BMP2: variants seen among roughly 807,000 people sequenced by gnomAD.
BMP2 encodes the protein bone morphogenetic protein 2A.
In BMP2, 2 loss-of-function variants were observed where a neutral mutation model predicts 28.8. The ratio of observed to expected loss-of-function variants is 0.07; its 90% CI spans 0.03 to 0.22. The LOEUF (loss-of-function observed/expected upper bound fraction) is 0.22, where lower values mean the gene tolerates loss of function less well. BMP2 is among the 10% of genes least tolerant of loss of function. BMP2 has a pLI of 1.00. For missense variants in BMP2, 437 were observed against 517.7 expected (o/e 0.84, Z 1.51); for synonymous variants, 218 against 204.3 (o/e 1.07, Z -0.57).
chr20:6,773,632 A>C (rs969854561), intron 2 of BMP2, among the ~76,000 whole-genome samples: 16 of 152,222 alleles, frequency 1.1e-4, no homozygotes, highest in African/African-American at 3.4e-4. Context: ...GCAGAGGCCA[A>C]ATCAGGGTTG....
intron 2 of BMP2, among the ~76,000 whole-genome samples, chr20:6,776,926 C>A (rs764702689): frequency 6.6e-6 from 1 of 152,132 alleles, no homozygotes; most frequent in Non-Finnish European, 1.5e-5. Flanking sequence ...AAAACATAGT[C>A]TCTTCTTATG....
rs979830940 is a variant in BMP2 at position 6,773,253 on chromosome 20, A to C, written c.346+2781A>C. Among the ~76,000 whole-genome samples the C allele has an allele frequency of 2.6e-5, 4 of 152,246 alleles. No homozygotes were observed. The South Asian group carries it at 8.3e-4, about 31-fold the overall frequency. Reference sequence around the variant, plus strand: ...GTTCAAGAAATAACTATTGCCCTGCATTAGAGACTTTGTGGCACAAATTCC... The same window carrying C: ...GTTCAAGAAATAACTATTGCCCTGCCTTAGAGACTTTGTGGCACAAATTCC... On this transcript the variant is annotated intron_variant, in intron 2 of 2. Transcript: ENST00000378827.
intron 1 of BMP2, among the ~76,000 whole-genome samples, chr20:6,769,174 T>A (rs561657894): frequency 9.1e-4 from 138 of 152,328 alleles, no homozygotes; most frequent in South Asian, 3.7e-3. Context: ...TTAATTTTTT[T>A]AAAAACTTTT....
In BMP2 at chr20:6,778,194, C is replaced by G. The variant is rs1309142501; in HGVS notation, c.347-51C>G. On this transcript the variant is annotated intron_variant, in intron 2 of 2. Transcript: ENST00000378827. This position sits in a 1 kb window ranked among gnomAD's most constrained non-coding sequence, Gnocchi z 5.0. ...TAATCAAACGTCATTACTTGGCTTA[C>G]TGAAATTCAGACTTTTCTTTTTTCT... 1 of 1,530,596 alleles carries G rather than the reference C, an allele frequency of 6.5e-7. No homozygotes were observed. The highest frequency in any genetic ancestry group is 2.3e-5 in the East Asian group (1 of 44,328). The allele number at this position is 1,530,596 out of a possible 1,614,324, so 94.8% of individuals were successfully genotyped here.
chr20:6,774,438 A>G (rs2122383726), intron 2 of BMP2, among the ~76,000 whole-genome samples: 1 of 152,270 alleles, frequency 6.6e-6, no homozygotes, highest in African/African-American at 2.4e-5. Flanking sequence ...AGATGGGAGG[A>G]CTGCTTGAAC....
At position 6,779,784 on chromosome 20, in the gene BMP2, C is replaced by A. The variant is rs170986; in HGVS notation, c.*695C>A. ...TTGCTGATCTATTATAGAAACTCTC[C>A]TCCTGCCCCTTAATTTACAGAAAGA... is the stretch of plus-strand genomic sequence containing the variant. On this transcript the variant is annotated 3_prime_UTR_variant, in exon 3 of 3. Transcript: ENST00000378827. 0.2 allele frequency: 30,568 copies of A among 152,412 alleles called. 3,621 individuals are homozygous for A. The highest frequency in any genetic ancestry group is 0.3 in the African/African-American group (12,597 of 41,470). 9.4% of individuals were successfully genotyped at this position (152,412 alleles called of 1,614,324 possible).
At chr20:6,772,215 A>C (rs1474629589) in intron 2 of BMP2, among the ~76,000 whole-genome samples, 1 of 152,216 alleles carries the variant, frequency 6.6e-6, no homozygotes, top group Non-Finnish European at 1.5e-5. Flanking sequence ...ACGTTATTCA[A>C]CTGTGTTATT....
intron 2 of BMP2, among the ~76,000 whole-genome samples, chr20:6,775,808 CGA>C (rs372370540): frequency 2.0e-5 from 3 of 151,882 alleles, no homozygotes; most frequent in African/African-American, 7.3e-5. Flanking sequence ...TACGTGTGTG[CGA>C]GAGAGAGAAT....
rs751692947 is a variant in BMP2 at position 6,770,324 on chromosome 20, A to G, written c.198A>G (p.Arg66=). The G allele has an allele frequency of 1.9e-6, 3 of 1,613,206 alleles. No homozygotes were observed. The Admixed American group carries it at 5.0e-5, about 27-fold the overall frequency. The part of the protein sequence containing the change: ...RLLSMFGLKQ[R]PTPSRDAVVP... ...TCAGCATGTTCGGCCTGAAACAGAG[A>G]CCCACCCCCAGCAGGGACGCCGTGG... The change falls in exon 2 of 3, where the codon AGA becomes AGG. Residue 66 remains arginine, a synonymous_variant. Transcript: ENST00000378827.
chr20:6,775,791 G>A (rs1323826861), intron 2 of BMP2, among the ~76,000 whole-genome samples: 1 of 152,152 alleles, frequency 6.6e-6, no homozygotes, highest in African/African-American at 2.4e-5. Context: ...CTGGCCATGT[G>A]GGTGTGTACG....
rs767193253 is a variant in BMP2, at chr20:6,778,702, C to T, written c.804C>T (p.Gly268=). The part of the protein sequence containing the change: ...SQIRPLLVTF[G]HDGKGHPLHK... ...TAAGGCCATTGCTAGTAACTTTTGG[C>T]CATGATGGAAAAGGGCATCCTCTCC... The change falls in exon 3 of 3, where the codon GGC becomes GGT. Residue 268 remains glycine, a synonymous_variant. Transcript: ENST00000378827. This position sits in a 1 kb window ranked among gnomAD's most constrained non-coding sequence, Gnocchi z 5.0. 6.8e-6 allele frequency: 11 copies of T among 1,613,970 alleles called. No homozygotes were observed. The highest frequency in any genetic ancestry group is 9.3e-6 in the Non-Finnish European group (11 of 1,180,008).
At position 6,775,368 on chromosome 20, in the gene BMP2, G is replaced by A. The variant is rs546156439; in HGVS notation, c.347-2877G>A. Among the ~76,000 whole-genome samples, 9 of 152,250 alleles carry A rather than the reference G, an allele frequency of 5.9e-5. No individual in the cohort carries two copies. The South Asian group carries it at 1.7e-3, about 28-fold the overall frequency. On this transcript the variant is annotated intron_variant, in intron 2 of 2. Coordinates refer to ENST00000378827, the MANE Select transcript of BMP2 (RefSeq NM_001200.4). The stretch of plus-strand genomic sequence containing the variant: ...CCTGGGTTTGAGGGTTTCTGTGAAC[G>A]TCTAACTTACCTCTGTGACCTGTTT...
rs375798188 is a variant in BMP2, at chr20:6,770,409, C to G, written c.283C>G (p.Pro95Ala). The change falls in exon 2 of 3, where the codon CCA (proline) becomes GCA (alanine). Residue 95 changes from proline (P) to alanine (A), a missense_variant. Physicochemically the swap from Pro to Ala is conservative, Grantham distance 27 (BLOSUM62 -1). Around this residue, in one of 2 missense-constraint regions of BMP2, gnomAD observed 363 missense variants for 392.8 expected, o/e 0.92. Transcript: ENST00000378827. ...CTCAGGTCAGCCGGGCTCACCCGCC[C>G]CAGACCACCGGTTGGAGAGGGCAGC... is the stretch of plus-strand genomic sequence containing the variant. Reference protein sequence around the residue: ...RHSGQPGSPAPDHRLERAASR... With the variant: ...RHSGQPGSPAADHRLERAASR... 6 of 1,611,642 alleles carry G rather than the reference C, an allele frequency of 3.7e-6. No homozygotes were observed. In the African/African-American group the frequency reaches 6.7e-5, roughly 18 times the overall value.
chr20:6,769,083 C>G (rs2122373309), intron 1 of BMP2, among the ~76,000 whole-genome samples: 1 of 152,372 alleles, frequency 6.6e-6, no homozygotes, highest in African/African-American at 2.4e-5. Flanking sequence ...TCTTCCACCC[C>G]TCTTTCTTCC....
intron 2 of BMP2, among the ~76,000 whole-genome samples, chr20:6,771,597 C>G (rs1986401833): frequency 6.6e-6 from 1 of 152,042 alleles, no homozygotes. Context: ...ATGTTTTCTC[C>G]CAGTGTGAAG....
Position 6,770,262 on chromosome 20 carries a change from T to A in BMP2, c.136T>A (p.Ser46Thr), listed in dbSNP as rs746277910. The part of the protein sequence containing the change: ...ASSGRPSSQP[S>T]DEVLSEFELR... ...GTCGGGCCGCCCCTCATCCCAGCCC[T>A]CTGACGAGGTCCTGAGCGAGTTCGA... is the stretch of plus-strand genomic sequence containing the variant. The change falls in exon 2 of 3, where the codon TCT (serine) becomes ACT (threonine). Residue 46 changes from serine (S) to threonine (T), a missense_variant. Physicochemically the swap from Ser to Thr is moderately conservative, Grantham distance 58 (BLOSUM62 1). Around this residue, in one of 2 missense-constraint regions of BMP2, gnomAD observed 363 missense variants for 392.8 expected, o/e 0.92. Transcript: ENST00000378827. 39 of 1,611,884 alleles carry A rather than the reference T, an allele frequency of 2.4e-5. No individual in the cohort carries two copies. In the African/African-American group the frequency reaches 4.5e-4, roughly 19 times the overall value.
rs1472949182 is a variant in BMP2 at position 6,770,175 on chromosome 20, C to T, written c.49C>T (p.Leu17Phe). Reference protein sequence around the residue: ...CLLALLLPQVLLGGAAGLVPE... With the variant: ...CLLALLLPQVFLGGAAGLVPE... ...TCTAGCGTTGCTGCTTCCCCAGGTC[C>T]TCCTGGGCGGCGCGGCTGGCCTCGT... Residue 17 changes from leucine (L) to phenylalanine (F), a missense_variant, in exon 2 of 3, where the codon CTC becomes TTC. Physicochemically the swap from Leu to Phe is conservative, Grantham distance 22. This residue lies in a region of BMP2 where 363 missense variants were observed against 392.8 expected (regional missense o/e 0.92). Coordinates refer to ENST00000378827, the MANE Select transcript of BMP2 (RefSeq NM_001200.4). 4.4e-6 allele frequency: 7 copies of T among 1,582,106 alleles called. No homozygotes were observed. The highest frequency in any genetic ancestry group is 6.0e-6 in the Non-Finnish European group (7 of 1,164,402).
chr20:6,772,154 A>G (rs554039335), intron 2 of BMP2, among the ~76,000 whole-genome samples: 1 of 152,352 alleles, frequency 6.6e-6, no homozygotes, highest in South Asian at 2.1e-4. Context: ...TGATGTCTGC[A>G]TATTCTCATC....
Position 6,779,021 on chromosome 20 carries a change from G to C in BMP2, c.1123G>C (p.Asp375His). The change falls in exon 3 of 3, where the codon GAC becomes CAC. Residue 375 changes from aspartate (D) to histidine (H), a missense_variant. Asp to His is a moderately conservative substitution (Grantham distance 81). Around this residue, in one of 2 missense-constraint regions of BMP2, gnomAD observed 74 missense variants for 124.9 expected, o/e 0.59. Transcript: ENST00000378827. ...CAGTGCTATCTCGATGCTGTACCTT[G>C]ACGAGAATGAAAAGGTTGTATTAAA... ...ELSAISMLYL[D>H]ENEKVVLKNY... The C allele has an allele frequency of 6.2e-7, 1 of 1,613,704 alleles. No homozygotes were observed. The highest frequency in any genetic ancestry group is 1.3e-5 in the African/African-American group (1 of 74,890).
Sources: allele counts gnomAD v4.1 joint callset (sites outside exome capture counted in the v4.1 genomes callset), GRCh38; gene constraint gnomAD v4.1.1; regional missense constraint gnomAD v4.1.1; non-coding constraint Gnocchi (gnomAD v3.1); transcripts MANE v1.5; gene names NCBI Gene and HGNC (gene_info 2026-07-23, HGNC 2026-07-21).